Variants in CNTNAP2 observed in about 807,000 individuals in gnomAD.
CNTNAP2 encodes the protein contactin-associated protein-like 2.
Under a neutral mutation model 155.2 loss-of-function variants are expected in CNTNAP2, and 98 were observed. The ratio of observed to expected loss-of-function variants is 0.63; its 90% CI spans 0.54 to 0.75. CNTNAP2 has a LOEUF of 0.75. CNTNAP2 is among the 30% of genes least tolerant of loss of function. The probability of loss-of-function intolerance (pLI) is 0.00; values close to 1 mark genes in which losing one functional copy is unlikely to be tolerated. For missense variants in CNTNAP2, 1,727 were observed against 1,688.1 expected (o/e 1.02, Z -0.40); for synonymous variants, 651 against 631.2 (o/e 1.03, Z -0.47).
At chr7:146,156,730 G>A (rs902595667) in intron 1 of CNTNAP2, among the ~76,000 whole-genome samples, 4 of 152,058 alleles carry the variant, frequency 2.6e-5, no homozygotes, top group South Asian at 4.1e-4. Context: ...AGCCTCCTGA[G>A]TAGCTGGGAT....
At chr7:146,721,116 C>A (rs1190120818) in intron 1 of CNTNAP2, among the ~76,000 whole-genome samples, 1 of 126,604 alleles carries the variant, frequency 7.9e-6, no homozygotes, top group Non-Finnish European at 1.6e-5. Flanking sequence ...TATATATTCT[C>A]TCTATATATC....
At chr7:146,150,020 A>G (rs939932137) in intron 1 of CNTNAP2, among the ~76,000 whole-genome samples, 2 of 152,156 alleles carry the variant, frequency 1.3e-5, no homozygotes, top group Non-Finnish European at 2.9e-5. Flanking sequence ...TTCACACTAT[A>G]TATCTTTGAC....
chr7:148,316,826 A>T (rs1224714839), intron 21 of CNTNAP2, among the ~76,000 whole-genome samples: 1 of 152,250 alleles, frequency 6.6e-6, no homozygotes, highest in Non-Finnish European at 1.5e-5. Context: ...ACCAGTGTAT[A>T]TATTATTAAA....
At chr7:146,174,214 GAAAGAAAAA>G (rs1798436440) in intron 1 of CNTNAP2, among the ~76,000 whole-genome samples, 2 of 150,482 alleles carry the variant, frequency 1.3e-5, no homozygotes, top group African/African-American at 4.9e-5. Context: ...AAAAAAAAAG[GAAAGAAAAA>G]AAAGAAAAAA....
At chr7:147,340,983 A>G (rs1795751403) in intron 9 of CNTNAP2, among the ~76,000 whole-genome samples, 1 of 152,048 alleles carries the variant, frequency 6.6e-6, no homozygotes, top group African/African-American at 2.4e-5. Context: ...AGGATTCCAT[A>G]AGAATTTGTT....
At chr7:147,349,885 C>T (rs922132961) in intron 9 of CNTNAP2, among the ~76,000 whole-genome samples, 2 of 151,872 alleles carry the variant, frequency 1.3e-5, no homozygotes, top group Non-Finnish European at 2.9e-5. Context: ...CTCTTTTGTC[C>T]TTTGTCCCTG....
At chr7:147,392,585 C>G (rs1796738263) in intron 9 of CNTNAP2, among the ~76,000 whole-genome samples, 1 of 152,078 alleles carries the variant, frequency 6.6e-6, no homozygotes, top group Non-Finnish European at 1.5e-5. Flanking sequence ...TTAACTCCCA[C>G]TTATGAGTGA....
intron 11 of CNTNAP2, among the ~76,000 whole-genome samples, chr7:147,540,701 C>T (rs958409348): frequency 1.3e-5 from 2 of 152,082 alleles, no homozygotes; most frequent in African/African-American, 2.4e-5. Flanking sequence ...CATGGTGGCA[C>T]GTGCCTGTAA....
intron 22 of CNTNAP2, among the ~76,000 whole-genome samples, chr7:148,390,994 G>A (rs1267893311): frequency 6.6e-6 from 1 of 152,140 alleles, no homozygotes; most frequent in African/African-American, 2.4e-5. Flanking sequence ...AATAGACATG[G>A]CCTCGTGTAA....
chr7:147,093,017 T>G (rs900156982), intron 4 of CNTNAP2, among the ~76,000 whole-genome samples: 11 of 151,556 alleles, frequency 7.3e-5, no homozygotes, highest in African/African-American at 2.7e-4. Context: ...CGTCAGGAGA[T>G]CGAGACCATC....
chr7:146,881,586 A>G (rs979960337), intron 3 of CNTNAP2, among the ~76,000 whole-genome samples: 4 of 151,984 alleles, frequency 2.6e-5, no homozygotes, highest in African/African-American at 9.7e-5. Context: ...ATGTTTTGCT[A>G]AAAATGGATG....
intron 1 of CNTNAP2, among the ~76,000 whole-genome samples, chr7:146,328,530 T>G (rs1318005968): frequency 6.6e-6 from 1 of 151,738 alleles, no homozygotes; most frequent in African/African-American, 2.4e-5. Context: ...TGTGTGTGTG[T>G]GTGTGTGTGT....
intron 13 of CNTNAP2, among the ~76,000 whole-genome samples, chr7:147,647,955 G>A (rs984769663): frequency 5.9e-5 from 9 of 152,186 alleles, no homozygotes; most frequent in African/African-American, 2.4e-5. Context: ...GTCATTATCT[G>A]TTGGGAGGCT....
chr7:146,836,961 T>C (rs567457607), intron 2 of CNTNAP2, among the ~76,000 whole-genome samples: 2 of 152,260 alleles, frequency 1.3e-5, no homozygotes, highest in South Asian at 4.1e-4. Flanking sequence ...GCTTGCATTA[T>C]TTCTGCTGAG....
chr7:146,929,678 T>A (rs1464274257), intron 3 of CNTNAP2, among the ~76,000 whole-genome samples: 1 of 152,042 alleles, frequency 6.6e-6, no homozygotes, highest in Non-Finnish European at 1.5e-5. Context: ...GGCAAAGAAG[T>A]TAAAAACTTT....
In CNTNAP2 at chr7:146,346,807, T is replaced by C. The variant is rs542986483; in HGVS notation, c.97+229834T>C. On this transcript the variant is annotated intron_variant, in intron 1 of 23. Coordinates refer to ENST00000361727, the MANE Select transcript of CNTNAP2 (RefSeq NM_014141.6). ...CTGAAATATTTACCCTACACCCAAG[T>C]TTCATGGGAAACCCATCCCTGCTGC... is the stretch of plus-strand genomic sequence containing the variant. Among the ~76,000 whole-genome samples, 62 of 152,234 alleles carry C rather than the reference T, an allele frequency of 4.1e-4. 1 individual carries two copies. Among genetic ancestry groups the C allele is most frequent in the African/African-American group, 1.2e-3 (49 of 41,544 alleles).
At chr7:147,732,608 C>A (rs1222334588) in intron 13 of CNTNAP2, among the ~76,000 whole-genome samples, 1 of 152,164 alleles carries the variant, frequency 6.6e-6, no homozygotes, top group Non-Finnish European at 1.5e-5. Context: ...TGAGGAATCG[C>A]CACACTGACT....
chr7:148,108,885 A>G (rs1258836593), intron 15 of CNTNAP2, among the ~76,000 whole-genome samples: 1 of 152,184 alleles, frequency 6.6e-6, no homozygotes, highest in Non-Finnish European at 1.5e-5. Flanking sequence ...TATGTTAAGT[A>G]CCTTGATTTA....
At chr7:147,358,862 T>C (rs1796103096) in intron 9 of CNTNAP2, among the ~76,000 whole-genome samples, 1 of 152,108 alleles carries the variant, frequency 6.6e-6, no homozygotes, top group Non-Finnish European at 1.5e-5. Context: ...ATGAACACAA[T>C]GGCCTCATTT....
Sources: allele counts gnomAD v4.1 joint callset (sites outside exome capture counted in the v4.1 genomes callset), GRCh38; gene constraint gnomAD v4.1.1; transcripts MANE v1.5; gene names NCBI Gene and HGNC (gene_info 2026-07-23, HGNC 2026-07-21).